SLC26A7: variants seen among roughly 807,000 people sequenced by gnomAD.
SLC26A7 encodes the protein anion exchange transporter.
Under a neutral mutation model 82.5 loss-of-function variants are expected in SLC26A7, and 59 were observed. The observed-to-expected ratio is 0.72, with a 90% CI of 0.58 to 0.89. The LOEUF is 0.89. Ranked by LOEUF, SLC26A7 falls within the 40% of genes least tolerant of loss-of-function variation. The pLI, the probability that SLC26A7 is intolerant of heterozygous loss-of-function variation, is 0.00. For synonymous variants in SLC26A7, 271 were observed against 274.3 expected (o/e 0.99, Z 0.12); for missense variants, 820 against 793.0 (o/e 1.03, Z -0.41).
chr8:91,323,644 T>C (rs183568419), intron 5 of SLC26A7, among the ~76,000 whole-genome samples: 29 of 152,236 alleles, frequency 1.9e-4, no homozygotes, highest in African/African-American at 6.5e-4. Context: ...TAATAGCAAA[T>C]GGATTTATTC....
chr8:91,234,791 C>CCCTACCTA (rs68154003), intron 2 of SLC26A7, among the ~76,000 whole-genome samples: 1,366 of 121,460 alleles, frequency 0.011, 11 homozygotes, highest in South Asian at 0.023. Context: ...TTCCCTCCCT[C>CCCTACCTA]CCTACCTACC....
At chr8:91,344,857 T>G (rs1813517838) in intron 9 of SLC26A7, among the ~76,000 whole-genome samples, 1 of 152,248 alleles carries the variant, frequency 6.6e-6, no homozygotes, top group African/African-American at 2.4e-5. Context: ...TTTGAAGGTT[T>G]AATATGCAGT....
chr8:91,249,948 G>C (rs1391648312), intron 2 of SLC26A7, 104 bp downstream of exon 2: 3 of 826,020 alleles, frequency 3.6e-6, no homozygotes, highest in Non-Finnish European at 1.7e-6. Flanking sequence ...CTAAATAAAT[G>C]GATATTAGCT....
At chr8:91,231,298 T>C (rs549203523) in intron 2 of SLC26A7, among the ~76,000 whole-genome samples, 31 of 152,352 alleles carry the variant, frequency 2.0e-4, no homozygotes, top group Non-Finnish European at 2.2e-4. Context: ...TCATTGCTGT[T>C]CTACAAATTT....
intron 2 of SLC26A7, among the ~76,000 whole-genome samples, chr8:91,231,276 A>G (rs1810306749): frequency 6.6e-6 from 1 of 152,232 alleles, no homozygotes; most frequent in African/African-American, 2.4e-5. Flanking sequence ...ATATCATCAG[A>G]TGACTATGAT....
At chr8:91,367,539 A>G (rs750781703) in intron 14 of SLC26A7, among the ~76,000 whole-genome samples, 2 of 150,982 alleles carry the variant, frequency 1.3e-5, no homozygotes, top group Admixed American at 6.6e-5. Flanking sequence ...TTGAATCCTT[A>G]AGCCTCTGTA....
chr8:91,225,552 C>G (rs1810222065), intron 2 of SLC26A7, among the ~76,000 whole-genome samples: 1 of 137,656 alleles, frequency 7.3e-6, no homozygotes, highest in Non-Finnish European at 1.5e-5. Flanking sequence ...GATTCACATG[C>G]TTATTATGAT....
intron 15 of SLC26A7, among the ~76,000 whole-genome samples, chr8:91,381,422 G>C (rs1273969281): frequency 6.6e-6 from 1 of 152,034 alleles, no homozygotes; most frequent in African/African-American, 2.4e-5. Context: ...CAGCTTTTCT[G>C]GTCTTTTCTA....
At chr8:91,343,679 A>G (rs1478096428) in intron 9 of SLC26A7, among the ~76,000 whole-genome samples, 1 of 152,242 alleles carries the variant, frequency 6.6e-6, no homozygotes, top group East Asian at 1.9e-4. Flanking sequence ...AAACTAAAAA[A>G]TTCTGTACAA....
chr8:91,362,771 T>G (rs1236640455), intron 12 of SLC26A7, among the ~76,000 whole-genome samples: 1 of 152,046 alleles, frequency 6.6e-6, no homozygotes, highest in Non-Finnish European at 1.5e-5. Flanking sequence ...TTAAATTAAG[T>G]GAAAAGAGTT....
At chr8:91,269,178 A>T (rs768653143) in intron 2 of SLC26A7, among the ~76,000 whole-genome samples, 1 of 152,044 alleles carries the variant, frequency 6.6e-6, no homozygotes, top group African/African-American at 2.4e-5. Flanking sequence ...CACTTTTACC[A>T]GTGAGTTTTA....
intron 14 of SLC26A7, 104 bp from the exon 15 acceptor site, chr8:91,369,681 G>C (rs1432165706): frequency 2.6e-6 from 2 of 764,338 alleles, no homozygotes; most frequent in African/African-American, 3.7e-5. Flanking sequence ...TTTTGGAGAT[G>C]AGTTTTTTTG....
chr8:91,380,957 A>G (rs987014101), intron 15 of SLC26A7, among the ~76,000 whole-genome samples: 8 of 152,186 alleles, frequency 5.3e-5, no homozygotes, highest in East Asian at 3.8e-4. Context: ...TACTTAATAT[A>G]TTTGTTATAT....
chr8:91,283,876 G>T (rs1045428786), intron 2 of SLC26A7, among the ~76,000 whole-genome samples: 3 of 152,084 alleles, frequency 2.0e-5, no homozygotes, highest in Non-Finnish European at 2.9e-5. Context: ...ATTAGGACAA[G>T]AATTTTGGCT....
chr8:91,227,764 A>G (rs574406104), intron 2 of SLC26A7, among the ~76,000 whole-genome samples: 50 of 152,326 alleles, frequency 3.3e-4, no homozygotes, highest in African/African-American at 1.2e-3. Flanking sequence ...TTACCAAGAA[A>G]GTTTTTAATG....
chr8:91,249,536 C>A lies in SLC26A7; in HGVS notation c.-113-3C>A, dbSNP rs1810600101. 1.5e-6 allele frequency: 1 copy of A among 670,894 alleles called. No individual in the cohort carries two copies. The highest frequency in any genetic ancestry group is 2.2e-6 in the Non-Finnish European group (1 of 445,256). 41.6% of individuals were successfully genotyped at this position (670,894 alleles called of 1,614,324 possible). Reference sequence around the variant, plus strand: ...CTCTTTTATTTACTTATTTTCTGGGCAGCTTTGACATTGTAAACCACAGAC... The same window carrying A: ...CTCTTTTATTTACTTATTTTCTGGGAAGCTTTGACATTGTAAACCACAGAC... On this transcript the variant is annotated splice_region_variant and splice_polypyrimidine_tract_variant and intron_variant, in intron 1 of 18. Coordinates refer to ENST00000276609, the MANE Select transcript of SLC26A7 (RefSeq NM_052832.4).
intron 4 of SLC26A7, among the ~76,000 whole-genome samples, chr8:91,298,804 A>G (rs988991117): frequency 6.6e-6 from 1 of 152,172 alleles, no homozygotes; most frequent in Non-Finnish European, 1.5e-5. Flanking sequence ...CTGGATTTTC[A>G]TTTTGTTAGG....
chr8:91,228,392 C>T (rs1188914489), intron 2 of SLC26A7, among the ~76,000 whole-genome samples: 1 of 152,200 alleles, frequency 6.6e-6, no homozygotes, highest in Non-Finnish European at 1.5e-5. Flanking sequence ...CATCCACGGG[C>T]AGCTGAGAGT....
intron 18 of SLC26A7, chr8:91,394,805 T>C: frequency 2.2e-6 from 2 of 895,572 alleles, no homozygotes; most frequent in Non-Finnish European, 3.1e-6. Flanking sequence ...GTAGATATGA[T>C]AATTTAACCC....
Sources: allele counts gnomAD v4.1 joint callset (sites outside exome capture counted in the v4.1 genomes callset), GRCh38; gene constraint gnomAD v4.1.1; transcripts MANE v1.5; gene names NCBI Gene and HGNC (gene_info 2026-07-23, HGNC 2026-07-21).